ZNF710: variants seen among roughly 807,000 people sequenced by gnomAD.
ZNF710 encodes the protein zinc finger protein 710.
A neutral mutation model predicts 50.6 loss-of-function variants in ZNF710; 13 were observed. The observed-to-expected ratio is 0.26, with a 90% confidence interval of 0.17 to 0.41. The LOEUF (loss-of-function observed/expected upper bound fraction) is 0.41, where lower values mean the gene tolerates loss of function less well. Ranked by LOEUF, ZNF710 falls within the 10% of genes least tolerant of loss-of-function variation. The probability of loss-of-function intolerance (pLI) is 1.00; values close to 1 mark genes in which losing one functional copy is unlikely to be tolerated. For missense variants in ZNF710, 721 were observed against 936.6 expected, an observed-to-expected ratio of 0.77 and a Z score of 3.01; for synonymous variants, 383 against 397.0, an observed-to-expected ratio of 0.96 and a Z score of 0.42.
At chr15:90,011,827 G>T (rs1286279247) in intron 1 of ZNF710, among the ~76,000 whole-genome samples, 1 of 151,626 alleles carries the variant, frequency 6.6e-6, no homozygotes, top group East Asian at 1.9e-4. Context: ...AGATAGTTTT[G>T]CTGGGTATAA....
upstream of ZNF710, among the ~76,000 whole-genome samples, chr15:90,000,861 G>T (rs535567554): frequency 2.0e-5 from 3 of 152,136 alleles, no homozygotes; most frequent in African/African-American, 4.8e-5. Flanking sequence ...CTTCCCTTGG[G>T]GGGGGCGGGG....
At chr15:90,016,957 T>C (rs1008687788) in intron 1 of ZNF710, among the ~76,000 whole-genome samples, 15 of 152,222 alleles carry the variant, frequency 9.9e-5, no homozygotes, top group African/African-American at 3.4e-4. Context: ...GTCCTGCCTT[T>C]GAAGTTCCCA....
chr15:90,007,166 C>T (rs185940700), intron 1 of ZNF710, among the ~76,000 whole-genome samples: 1 of 152,138 alleles, frequency 6.6e-6, no homozygotes, highest in Non-Finnish European at 1.5e-5. Flanking sequence ...TAAGGTGACC[C>T]TGGGAGGATT....
Position 90,080,440 on chromosome 15 carries a change from C to G in ZNF710, c.*611C>G, listed in dbSNP as rs2151543543. 1 of 153,008 alleles carries G rather than the reference C, an allele frequency of 6.5e-6. No homozygotes were observed. Among genetic ancestry groups the G allele is most frequent in the Middle Eastern group, 3.4e-3 (1 of 296 alleles). The allele number at this position is 153,008 out of a possible 1,614,324, so 9.5% of individuals were successfully genotyped here. A position where few individuals can be genotyped will look rare whatever the true frequency, so the allele number is the denominator to read the frequency against. On this transcript the variant is annotated 3_prime_UTR_variant, in exon 5 of 5. Transcript: ENST00000268154. ...TGGCCTGCAGGACAGCTGGGGGGCACCCAGCCCCCAGAAGACCCCTGTCCT... is the reference window on the plus strand; with the variant it reads ...TGGCCTGCAGGACAGCTGGGGGGCAGCCAGCCCCCAGAAGACCCCTGTCCT...
At position 90,017,120 on chromosome 15, in the gene ZNF710, G is replaced by A. The variant is rs185608973; in HGVS notation, c.-29+15506G>A. Among the ~76,000 whole-genome samples the A allele has an allele frequency of 1.4e-3, 218 of 152,332 alleles. 1 individual carries two copies. Among genetic ancestry groups the A allele is most frequent in the African/African-American group, 5.0e-3 (207 of 41,576 alleles). On this transcript the variant is annotated intron_variant, in intron 1 of 4. Coordinates refer to ENST00000268154, the MANE Select transcript of ZNF710 (RefSeq NM_198526.4). ...GGTGCATTCACTTTGTTTTATGGCA[G>A]GGAACTTTTTAGGGGTAAAGGCACT...
intron 1 of ZNF710, among the ~76,000 whole-genome samples, chr15:90,029,093 A>G (rs1244308046): frequency 6.6e-6 from 1 of 152,218 alleles, no homozygotes; most frequent in Middle Eastern, 3.2e-3. Context: ...ATGGCAGGGA[A>G]AGGCTGTGCT....
At chr15:90,057,422 A>G (rs1459295420) in intron 1 of ZNF710, among the ~76,000 whole-genome samples, 1 of 151,986 alleles carries the variant, frequency 6.6e-6, no homozygotes, top group Non-Finnish European at 1.5e-5. Context: ...GAGGCCGGGC[A>G]CGGTGGCTCA....
chr15:90,081,075 G>A lies in ZNF710; in HGVS notation c.*1246G>A, dbSNP rs1318530231. 6.6e-6 allele frequency: 1 copy of A among 152,260 alleles called. No individual in the cohort carries two copies. Among genetic ancestry groups the A allele is most frequent in the Non-Finnish European group, 1.5e-5 (1 of 68,076 alleles). 9.4% of individuals were successfully genotyped at this position (152,260 alleles called of 1,614,324 possible). A position where few individuals can be genotyped will look rare whatever the true frequency, so the allele number is the denominator to read the frequency against. On this transcript the variant is annotated 3_prime_UTR_variant, in exon 5 of 5. Coordinates refer to ENST00000268154, the MANE Select transcript of ZNF710 (RefSeq NM_198526.4). The stretch of plus-strand genomic sequence containing the variant: ...GCTGGCAGCAGCCTCAGCAGGCTGG[G>A]GTGGGAGGCAGGAGAAGGCAGAGCT...
intron 1 of ZNF710, among the ~76,000 whole-genome samples, chr15:90,012,594 T>C (rs1028619903): frequency 6.6e-6 from 1 of 152,074 alleles, no homozygotes; most frequent in Non-Finnish European, 1.5e-5. Context: ...TAATCTTTTT[T>C]TATTCCGGGT....
chr15:90,028,534 C>A (rs1898842925), intron 1 of ZNF710, among the ~76,000 whole-genome samples: 1 of 152,186 alleles, frequency 6.6e-6, no homozygotes, highest in African/African-American at 2.4e-5. Context: ...ATCCTTTTTA[C>A]AATTCTGCCC....
chr15:90,079,008 G>A (rs1333419738), intron 4 of ZNF710, among the ~76,000 whole-genome samples: 1 of 152,202 alleles, frequency 6.6e-6, no homozygotes, highest in Admixed American at 6.5e-5. Context: ...TACCCTGAGT[G>A]TTTGTCCCTG....
chr15:90,031,028 G>GAAAAAA (rs540881386), intron 1 of ZNF710, among the ~76,000 whole-genome samples: 3 of 122,852 alleles, frequency 2.4e-5, no homozygotes, highest in Non-Finnish European at 3.3e-5. Flanking sequence ...CAAAAAAAAA[G>GAAAAAA]AAAAAAAAAA....
intron 1 of ZNF710, chr15:90,006,646 A>C (rs1177104101): frequency 6.5e-6 from 1 of 153,048 alleles, no homozygotes; most frequent in Non-Finnish European, 1.5e-5. Flanking sequence ...AAGGACATTT[A>C]AATAGCCACC....
In ZNF710 at chr15:90,067,634, G is replaced by T. The variant is rs752981599; in HGVS notation, c.497G>T (p.Arg166Leu). The change falls in exon 2 of 5, where the codon CGC becomes CTC. Residue 166 changes from arginine (R) to leucine (L), a missense_variant. Physicochemically the swap from Arg to Leu is moderately radical, Grantham distance 102. Coordinates refer to ENST00000268154, the MANE Select transcript of ZNF710 (RefSeq NM_198526.4). This position sits in a 1 kb window ranked among gnomAD's most constrained non-coding sequence, Gnocchi z 8.1. ...VKMIDLSAFS[R>L]KPRTLRHLPR... ...ATGATCGACCTCAGCGCCTTCAGCC[G>T]CAAGCCCCGGACGCTCCGGCATCTG... The T allele has an allele frequency of 6.2e-7, 1 of 1,611,740 alleles. No individual in the cohort carries two copies. Among genetic ancestry groups the T allele is most frequent in the South Asian group, 1.1e-5 (1 of 90,842 alleles).
At chr15:90,077,290 C>T (rs948686768) in intron 4 of ZNF710, among the ~76,000 whole-genome samples, 3 of 130,146 alleles carry the variant, frequency 2.3e-5, no homozygotes, top group Non-Finnish European at 3.1e-5. Context: ...TTCACCCAGG[C>T]TGGAGTGCAG....
intron 1 of ZNF710, among the ~76,000 whole-genome samples, chr15:90,044,942 C>A (rs1899414173): frequency 6.6e-6 from 1 of 152,110 alleles, no homozygotes; most frequent in South Asian, 2.1e-4. Context: ...GGCCAAACCC[C>A]CGCACTGTGT....
intron 1 of ZNF710, among the ~76,000 whole-genome samples, chr15:90,026,205 G>T (rs1898770401): frequency 7.0e-6 from 1 of 142,772 alleles, no homozygotes; most frequent in Non-Finnish European, 1.5e-5. Context: ...CCTAACCCCT[G>T]GCAATTCTAT....
chr15:90,035,376 C>T (rs1040800201), intron 1 of ZNF710, among the ~76,000 whole-genome samples: 2 of 152,254 alleles, frequency 1.3e-5, no homozygotes, highest in African/African-American at 4.8e-5. Context: ...AGCCCATCAG[C>T]TCTTGGTGGA....
At chr15:90,001,173 T>G (rs544684701), upstream of ZNF710, among the ~76,000 whole-genome samples, 3 of 149,290 alleles carry the variant, frequency 2.0e-5, no homozygotes, top group Non-Finnish European at 3.0e-5. Flanking sequence ...AGTGGGAGAG[T>G]TGAACCGAAA....
Sources: gnomAD v4.1 joint callset for allele counts (sites outside exome capture counted in the v4.1 genomes callset) on GRCh38, gnomAD v4.1.1 for gene constraint, Gnocchi (gnomAD v3.1) non-coding constraint, MANE v1.5 for transcripts, NCBI Gene and HGNC (gene_info 2026-07-23, HGNC 2026-07-21) for gene names.